ATG13: variants seen among roughly 807,000 people sequenced by gnomAD.
ATG13 encodes autophagy related 13.
In ATG13, 23 loss-of-function variants were observed where a neutral mutation model predicts 65.5. The ratio of observed to expected loss-of-function variants is 0.35; its 90% CI spans 0.25 to 0.50. ATG13 has a LOEUF of 0.50. Among genes scored for constraint, ATG13 ranks in the 20% least tolerant of loss-of-function variants. The probability of loss-of-function intolerance (pLI) is 0.98; values close to 1 mark genes in which losing one functional copy is unlikely to be tolerated. For synonymous variants in ATG13, 252 were observed against 245.2 expected, an observed-to-expected ratio of 1.03 and a Z score of -0.26; for missense variants, 566 against 677.0, an observed-to-expected ratio of 0.84 and a Z score of 1.82.
intron 3 of ATG13, 148 bp downstream of exon 3, chr11:46,644,508 T>A: frequency 1.6e-6 from 1 of 629,400 alleles, no homozygotes; most frequent in Non-Finnish European, 2.6e-6. Context: ...AACCAAACTG[T>A]GAGGTATGGG....
intron 11 of ATG13, among the ~76,000 whole-genome samples, chr11:46,661,731 T>A (rs868620411): frequency 2.6e-5 from 4 of 151,564 alleles, no homozygotes; most frequent in African/African-American, 9.7e-5. Flanking sequence ...CTTGGAAGGC[T>A]GATCTGGGAG....
Position 46,644,312 on chromosome 11 carries a change from C to T in ATG13, c.21C>T (p.Ser7=), listed in dbSNP as rs1416835153. Residue 7 remains serine (S), a synonymous_variant, in exon 3 of 19, where the codon TCC becomes TCT. Transcript: ENST00000683050. ...AGGCAATGGAAACTGATCTCAATTCCCAGGACAGAAAGGACCTGGACAAGT... is the reference window on the plus strand; with the variant it reads ...AGGCAATGGAAACTGATCTCAATTCTCAGGACAGAAAGGACCTGGACAAGT... METDLN[S]QDRKDLDKFI... The T allele has an allele frequency of 6.2e-7, 1 of 1,608,408 alleles. No homozygotes were observed. The highest frequency in any genetic ancestry group is 8.5e-7 in the Non-Finnish European group (1 of 1,178,512).
At chr11:46,639,986 T>C (rs112896837) in intron 2 of ATG13, among the ~76,000 whole-genome samples, 3,383 of 151,840 alleles carry the variant, frequency 0.022, 123 homozygotes, top group African/African-American at 0.077. Flanking sequence ...CCTGAGTAGC[T>C]GGGACTACCA....
At position 46,659,431 on chromosome 11, in the gene ATG13, A is replaced by G; in HGVS notation, c.735A>G (p.Val245=). The change falls in exon 11 of 19, where the codon GTA becomes GTG. Residue 245 remains valine, a synonymous_variant. Transcript: ENST00000683050. ...ACACTGGAGTAATATACCCGTCTGT[A>G]GAAGACTCTCAAGAAGTGTGTACCA... ...GEDTGVIYPS[V]EDSQEVCTTS... is the part of the protein sequence containing the mutation. The G allele has an allele frequency of 1.2e-6, 2 of 1,614,088 alleles. No individual in the cohort carries two copies. Among genetic ancestry groups the G allele is most frequent in the Non-Finnish European group, 1.7e-6 (2 of 1,179,932 alleles).
intron 18 of ATG13, among the ~76,000 whole-genome samples, chr11:46,670,341 C>T (rs919401419): frequency 9.9e-5 from 15 of 151,566 alleles, no homozygotes; most frequent in Non-Finnish European, 2.1e-4. Flanking sequence ...ATTAGCCAGG[C>T]ATGGTGGCGG....
intron 10 of ATG13, among the ~76,000 whole-genome samples, chr11:46,658,515 G>T (rs920574643): frequency 6.6e-6 from 1 of 151,992 alleles, no homozygotes; most frequent in African/African-American, 2.4e-5. Context: ...AGGCAATGTG[G>T]TGAAACACTG....
At chr11:46,649,718 A>C (rs1457023931) in intron 6 of ATG13, among the ~76,000 whole-genome samples, 1 of 152,232 alleles carries the variant, frequency 6.6e-6, no homozygotes, top group Admixed American at 6.5e-5. Context: ...ACATCAAAAG[A>C]AAAATCTTAG....
At chr11:46,665,603 A>G in intron 14 of ATG13, 84 bp downstream of exon 14, 1 of 1,519,306 alleles carries the variant, frequency 6.6e-7, no homozygotes. Context: ...TAGAATTAGT[A>G]AAGAGTAACT....
intron 14 of ATG13, 52 bp downstream of exon 14, chr11:46,665,571 C>A: frequency 6.3e-7 from 1 of 1,593,760 alleles, no homozygotes; most frequent in South Asian, 1.1e-5. Context: ...GGGGCCTGGG[C>A]TCCCTGACAC....
chr11:46,647,281 T>G (rs979524944), intron 5 of ATG13, among the ~76,000 whole-genome samples: 4 of 15,284 alleles, frequency 2.6e-4, no homozygotes, highest in Non-Finnish European at 6.9e-4. Flanking sequence ...GTTTTTTTTG[T>G]TTTTTTTTTT....
chr11:46,656,503 T>C (rs1030118711), intron 8 of ATG13: 1 of 386,382 alleles, frequency 2.6e-6, no homozygotes, highest in African/African-American at 2.1e-5. Context: ...TTACTCTTTA[T>C]AAAACTGTAT....
intron 10 of ATG13, 66 bp downstream of exon 10, chr11:46,657,688 A>G (rs915424124): frequency 7.3e-7 from 1 of 1,370,138 alleles, no homozygotes; most frequent in Non-Finnish European, 1.0e-6. Context: ...CTGCACAAGC[A>G]CATGGAACAC....
chr11:46,651,197 G>T (rs1337272351), intron 7 of ATG13, among the ~76,000 whole-genome samples: 1 of 152,116 alleles, frequency 6.6e-6, no homozygotes, highest in Non-Finnish European at 1.5e-5. Context: ...TTTGATACAT[G>T]TATAATTACT....
At chr11:46,641,856 C>G (rs908263710) in intron 2 of ATG13, among the ~76,000 whole-genome samples, 5 of 151,340 alleles carry the variant, frequency 3.3e-5, no homozygotes, top group Non-Finnish European at 5.9e-5. Context: ...CTCACTGCAG[C>G]CTTGACCTCC....
intron 1 of ATG13, among the ~76,000 whole-genome samples, chr11:46,624,738 A>G (rs2048911601): frequency 6.6e-6 from 1 of 152,156 alleles, no homozygotes; most frequent in African/African-American, 2.4e-5. Context: ...AAATCAGCTC[A>G]TTAGCTCATT....
At position 46,645,326 on chromosome 11, in the gene ATG13, T is replaced by G; in HGVS notation, c.70-13T>G. The G allele has an allele frequency of 6.3e-7, 1 of 1,596,630 alleles. No homozygotes were observed. On this transcript the variant is annotated splice_polypyrimidine_tract_variant and intron_variant, in intron 3 of 18. Transcript: ENST00000683050. ...TCATTTTAGGATTTCTTTTGTGTTT[T>G]TTTTTTCTTTAGACTGTCCAAGTGA...
chr11:46,632,864 C>T (rs1212571517), intron 2 of ATG13, among the ~76,000 whole-genome samples: 3 of 151,166 alleles, frequency 2.0e-5, no homozygotes, highest in Non-Finnish European at 4.4e-5. Flanking sequence ...TCTACTTTCT[C>T]AAAAATTGGA....
intron 7 of ATG13, among the ~76,000 whole-genome samples, 172 bp from the exon 8 acceptor site, chr11:46,656,061 C>T (rs1429125892): frequency 6.6e-6 from 1 of 152,144 alleles, no homozygotes; most frequent in African/African-American, 2.4e-5. Flanking sequence ...CTGTACGTCT[C>T]CATGCCTGTA....
At chr11:46,619,383 T>C (rs2046549664) in intron 1 of ATG13, among the ~76,000 whole-genome samples, 1 of 106,990 alleles carries the variant, frequency 9.3e-6, no homozygotes, top group African/African-American at 3.7e-5. Flanking sequence ...TTTTTTTTTT[T>C]TTTTTTTTTT....
Sources: allele counts gnomAD v4.1 joint callset (sites outside exome capture counted in the v4.1 genomes callset), GRCh38; gene constraint gnomAD v4.1.1; transcripts MANE v1.5; gene names NCBI Gene and HGNC (gene_info 2026-07-23, HGNC 2026-07-21).